STXBP6: variants seen among roughly 807,000 people sequenced by gnomAD.
The protein encoded by STXBP6 is syntaxin-binding protein 6.
STXBP6 carries 21 observed loss-of-function variants against 26.9 expected under a neutral mutation model. The observed-to-expected ratio is 0.78, with a 90% confidence interval of 0.55 to 1.12. The LOEUF (loss-of-function observed/expected upper bound fraction) is 1.12, where lower values mean the gene tolerates loss of function less well. Among genes scored for constraint, STXBP6 ranks in the 50% most tolerant of loss-of-function variants. The probability of loss-of-function intolerance (pLI) is 0.00; values close to 1 mark genes in which losing one functional copy is unlikely to be tolerated. For missense variants in STXBP6, 232 were observed against 257.9 expected, an observed-to-expected ratio of 0.90 and a Z score of 0.69; for synonymous variants, 97 against 92.6, an observed-to-expected ratio of 1.05 and a Z score of -0.27.
intron 1 of STXBP6, among the ~76,000 whole-genome samples, chr14:25,004,398 C>T (rs1049964460): frequency 2.0e-5 from 3 of 152,210 alleles, no homozygotes; most frequent in Non-Finnish European, 4.4e-5. Flanking sequence ...ACTTGCTGCA[C>T]TGCTCAAGGG....
At position 24,811,305 on chromosome 14, in the gene STXBP6, TCGA is replaced by T. The variant is rs1409149487; in HGVS notation, c.*1401_*1403del. ...CCTATGTAAGAGGCTGCAATACATATCGACTCAATCAGCAAAATGGATAGGATG... is the reference window on the plus strand; with the variant it reads ...CCTATGTAAGAGGCTGCAATACATATCTCAATCAGCAAAATGGATAGGATG... On this transcript the variant is annotated 3_prime_UTR_variant, in exon 6 of 6. Coordinates refer to ENST00000323944, the MANE Select transcript of STXBP6 (RefSeq NM_001394410.1). 2 of 152,116 alleles carry T rather than the reference TCGA, an allele frequency of 1.3e-5. No individual in the cohort carries two copies. The highest frequency in any genetic ancestry group is 2.4e-5 in the African/African-American group (1 of 41,410). The allele number at this position is 152,116 out of a possible 1,614,324, so 9.4% of individuals were successfully genotyped here.
chr14:24,982,551 C>T (rs1038219673), intron 1 of STXBP6, among the ~76,000 whole-genome samples: 16 of 152,176 alleles, frequency 1.1e-4, no homozygotes, highest in African/African-American at 3.9e-4. Flanking sequence ...AGGAAGGAAA[C>T]GAGGAATTGC....
chr14:25,032,587 A>G (rs2075478952), intron 1 of STXBP6, among the ~76,000 whole-genome samples: 1 of 152,218 alleles, frequency 6.6e-6, no homozygotes, highest in South Asian at 2.1e-4. Flanking sequence ...TCACCTACCA[A>G]GAGCCAACTG....
intron 2 of STXBP6, among the ~76,000 whole-genome samples, chr14:24,959,994 A>G (rs1252620776): frequency 6.6e-6 from 1 of 152,232 alleles, no homozygotes; most frequent in Non-Finnish European, 1.5e-5. Flanking sequence ...ACTGAAACAA[A>G]TAATTGTCTC....
intron 2 of STXBP6, among the ~76,000 whole-genome samples, chr14:24,873,434 G>T (rs977465045): frequency 6.6e-6 from 1 of 152,164 alleles, no homozygotes; most frequent in African/African-American, 2.4e-5. Flanking sequence ...TCCCTCAGGG[G>T]AGGAAGAATG....
intron 3 of STXBP6, 112 bp from the exon 4 acceptor site, chr14:24,856,213 A>T: frequency 9.3e-7 from 1 of 1,078,128 alleles, no homozygotes; most frequent in Non-Finnish European, 1.3e-6. Flanking sequence ...GATCGCAATC[A>T]TAAGGCTCAT....
chr14:24,818,626 G>A (rs1351513898), intron 5 of STXBP6, among the ~76,000 whole-genome samples: 1 of 152,186 alleles, frequency 6.6e-6, no homozygotes, highest in East Asian at 1.9e-4. Flanking sequence ...GGATGAGAAA[G>A]GGACAGGATG....
chr14:24,818,015 ATTC>A, intron 5 of STXBP6: 1 of 456,424 alleles, frequency 2.2e-6, no homozygotes, highest in South Asian at 1.6e-5. Flanking sequence ...AGCTGGGAAT[ATTC>A]TTCTCATTGC....
intron 1 of STXBP6, among the ~76,000 whole-genome samples, chr14:24,990,659 C>CAAAAAAAA (rs1211659589): frequency 1.9e-4 from 11 of 57,312 alleles, no homozygotes; most frequent in Non-Finnish European, 3.0e-4. Flanking sequence ...AACTCCATCT[C>CAAAAAAAA]AAAAAAAAAA....
chr14:24,831,226 A>G (rs1012528199), intron 4 of STXBP6, among the ~76,000 whole-genome samples: 1 of 152,216 alleles, frequency 6.6e-6, no homozygotes, highest in Non-Finnish European at 1.5e-5. Context: ...TTTAAAAAGA[A>G]GTTTGTGCTT....
chr14:24,904,118 C>T (rs1276247604), intron 2 of STXBP6, among the ~76,000 whole-genome samples: 1 of 152,270 alleles, frequency 6.6e-6, no homozygotes, highest in Middle Eastern at 3.4e-3. Flanking sequence ...AGGAACATCG[C>T]TCTTGTGAGT....
chr14:25,002,877 C>T (rs7154613), intron 1 of STXBP6, among the ~76,000 whole-genome samples: 18,959 of 151,996 alleles, frequency 0.12, 1,255 homozygotes, highest in African/African-American at 0.14. Context: ...CAGGCGTGTG[C>T]CACCACGCCC....
At chr14:25,021,816 C>G (rs74400013) in intron 1 of STXBP6, among the ~76,000 whole-genome samples, 12,485 of 152,216 alleles carry the variant, frequency 0.082, 612 homozygotes, top group Non-Finnish European at 0.12. Context: ...AAAGGCCTTG[C>G]TACCCATAGG....
chr14:25,023,888 C>T (rs1053925828), intron 1 of STXBP6, among the ~76,000 whole-genome samples: 8 of 152,120 alleles, frequency 5.3e-5, no homozygotes, highest in African/African-American at 1.9e-4. Context: ...ATCCTGACAA[C>T]CTGGGAGGTC....
chr14:24,894,716 T>C (rs984502618), intron 2 of STXBP6, among the ~76,000 whole-genome samples: 1 of 152,250 alleles, frequency 6.6e-6, no homozygotes, highest in East Asian at 1.9e-4. Flanking sequence ...CTATAGACAA[T>C]GGGGCAGGGA....
chr14:24,915,024 C>T (rs768180832), intron 2 of STXBP6, among the ~76,000 whole-genome samples: 1 of 152,052 alleles, frequency 6.6e-6, no homozygotes, highest in Non-Finnish European at 1.5e-5. Flanking sequence ...TCAACATTGT[C>T]TTTTTTTAAG....
chr14:25,008,402 T>A (rs994987472), intron 1 of STXBP6, among the ~76,000 whole-genome samples: 2 of 152,128 alleles, frequency 1.3e-5, no homozygotes, highest in Non-Finnish European at 2.9e-5. Flanking sequence ...GAGGATTGCT[T>A]GAGCCCAAGA....
At chr14:24,936,241 T>C (rs1334131964) in intron 2 of STXBP6, among the ~76,000 whole-genome samples, 1 of 152,166 alleles carries the variant, frequency 6.6e-6, no homozygotes, top group Non-Finnish European at 1.5e-5. Context: ...ACACTGTTGT[T>C]TCCTGCTCCC....
intron 2 of STXBP6, among the ~76,000 whole-genome samples, chr14:24,938,694 T>C (rs1422762619): frequency 1.3e-5 from 2 of 152,138 alleles, no homozygotes; most frequent in African/African-American, 4.8e-5. Context: ...ATTATTTATT[T>C]GTTTTTAATG....
Sources: allele counts gnomAD v4.1 joint callset (sites outside exome capture counted in the v4.1 genomes callset), GRCh38; gene constraint gnomAD v4.1.1; transcripts MANE v1.5; gene names NCBI Gene and HGNC (gene_info 2026-07-23, HGNC 2026-07-21).